ADAMTS19: variants seen among roughly 807,000 people sequenced by gnomAD.
The protein encoded by ADAMTS19 is ADAM metallopeptidase with thrombospondin type 1 motif 19.
A neutral mutation model predicts 153.3 loss-of-function variants in ADAMTS19; 93 were observed. That is an observed-to-expected ratio of 0.61 (90% CI 0.51 to 0.72). The LOEUF (loss-of-function observed/expected upper bound fraction) is 0.72. ADAMTS19 is among the 30% of genes least tolerant of loss of function. The pLI, the probability that ADAMTS19 is intolerant of heterozygous loss-of-function variation, is 0.00. For missense variants in ADAMTS19, 1,482 were observed against 1,552.1 expected (o/e 0.95, Z 0.76); for synonymous variants, 600 against 556.6 (o/e 1.08, Z -1.10).
chr5:129,466,768 A>T (rs1386575321), intron 2 of ADAMTS19, among the ~76,000 whole-genome samples: 1 of 152,216 alleles, frequency 6.6e-6, no homozygotes, highest in Non-Finnish European at 1.5e-5. Flanking sequence ...CCTATCAGTT[A>T]CACTTTGGAT....
intron 13 of ADAMTS19, among the ~76,000 whole-genome samples, chr5:129,651,082 A>T (rs1365275071): frequency 6.6e-6 from 1 of 152,126 alleles, no homozygotes; most frequent in Non-Finnish European, 1.5e-5. Flanking sequence ...CGGCTTTCCT[A>T]CTACATCTCT....
chr5:129,621,475 G>A (rs1042031798), intron 9 of ADAMTS19, among the ~76,000 whole-genome samples: 5 of 152,112 alleles, frequency 3.3e-5, no homozygotes, highest in Admixed American at 3.3e-4. Context: ...ATTCACTTTT[G>A]TATATCCTTT....
intron 6 of ADAMTS19, among the ~76,000 whole-genome samples, chr5:129,530,620 A>G (rs1752167101): frequency 6.6e-6 from 1 of 152,110 alleles, no homozygotes; most frequent in Admixed American, 6.6e-5. Context: ...ATCAACCAAA[A>G]ATACTTATTG....
chr5:129,660,300 C>T (rs1284869090), intron 15 of ADAMTS19, among the ~76,000 whole-genome samples: 1 of 152,058 alleles, frequency 6.6e-6, no homozygotes, highest in Non-Finnish European at 1.5e-5. Context: ...TAAATAAATA[C>T]TTAGCTGAAA....
At chr5:129,607,721 G>T (rs967168418) in intron 8 of ADAMTS19, among the ~76,000 whole-genome samples, 3 of 151,988 alleles carry the variant, frequency 2.0e-5, no homozygotes, top group Non-Finnish European at 2.9e-5. Flanking sequence ...CTAACTTAAA[G>T]TCTGGTTATA....
chr5:129,574,191 T>A (rs1486539094), intron 7 of ADAMTS19, among the ~76,000 whole-genome samples: 1 of 152,140 alleles, frequency 6.6e-6, no homozygotes, highest in Non-Finnish European at 1.5e-5. Context: ...GCTTGAAATA[T>A]GTGTCTAAAT....
chr5:129,503,449 T>G (rs1751167392), intron 2 of ADAMTS19, among the ~76,000 whole-genome samples: 1 of 152,218 alleles, frequency 6.6e-6, no homozygotes, highest in South Asian at 2.1e-4. Context: ...TATTATAATT[T>G]ATGCCAAGCC....
intron 14 of ADAMTS19, among the ~76,000 whole-genome samples, chr5:129,658,309 A>G (rs140472801): frequency 0.037 from 4,149 of 113,558 alleles, 195 homozygotes; most frequent in African/African-American, 0.051. Context: ...GAAAGAAAGA[A>G]AAAGAAAGAA....
At chr5:129,537,792 G>C (rs970317236) in intron 6 of ADAMTS19, among the ~76,000 whole-genome samples, 1 of 151,966 alleles carries the variant, frequency 6.6e-6, no homozygotes, top group African/African-American at 2.4e-5. Flanking sequence ...GGGGGAAGGG[G>C]GGAGGGATAG....
At chr5:129,676,022 G>A (rs189734652) in intron 16 of ADAMTS19, among the ~76,000 whole-genome samples, 1 of 152,176 alleles carries the variant, frequency 6.6e-6, no homozygotes, top group Admixed American at 6.5e-5. Context: ...GTGACAGAGT[G>A]AGACTCCATC....
intron 21 of ADAMTS19, among the ~76,000 whole-genome samples, chr5:129,719,539 G>A (rs1362783127): frequency 1.3e-5 from 2 of 152,260 alleles, no homozygotes; most frequent in African/African-American, 4.8e-5. Flanking sequence ...TATAAAACTA[G>A]ATGTGGAAGT....
intron 2 of ADAMTS19, among the ~76,000 whole-genome samples, chr5:129,479,705 A>C (rs141613701): frequency 6.6e-6 from 1 of 152,180 alleles, no homozygotes; most frequent in Non-Finnish European, 1.5e-5. Flanking sequence ...TTACAATACT[A>C]TAAAAACATG....
At chr5:129,606,673 A>G (rs1402402261) in intron 8 of ADAMTS19, among the ~76,000 whole-genome samples, 2 of 152,220 alleles carry the variant, frequency 1.3e-5, no homozygotes, top group African/African-American at 4.8e-5. Flanking sequence ...TGACTTCTAT[A>G]GAGTGACTCT....
At chr5:129,623,319 T>G (rs1210406108) in intron 10 of ADAMTS19, among the ~76,000 whole-genome samples, 1 of 152,154 alleles carries the variant, frequency 6.6e-6, no homozygotes, top group East Asian at 1.9e-4. Flanking sequence ...GTAACCTTTT[T>G]TTTTCTTTCC....
intron 2 of ADAMTS19, among the ~76,000 whole-genome samples, chr5:129,497,453 A>G (rs1014693904): frequency 6.6e-6 from 1 of 152,038 alleles, no homozygotes. Context: ...CTAGCATAAA[A>G]CTATCCACTA....
intron 1 of ADAMTS19, 187 bp downstream of exon 1, chr5:129,460,669 G>A (rs1276350392): frequency 6.2e-6 from 4 of 642,196 alleles, no homozygotes; most frequent in South Asian, 1.9e-5. Flanking sequence ...TGCCGGCCTC[G>A]TTTTAACCGT....
chr5:129,611,226 C>A (rs1751199146), intron 8 of ADAMTS19, among the ~76,000 whole-genome samples: 1 of 151,964 alleles, frequency 6.6e-6, no homozygotes, highest in South Asian at 2.1e-4. Flanking sequence ...AATTTTCTCC[C>A]ATTCTGTAGG....
At chr5:129,696,401 G>T (rs376911083) in intron 19 of ADAMTS19, among the ~76,000 whole-genome samples, 2 of 152,090 alleles carry the variant, frequency 1.3e-5, no homozygotes, top group Non-Finnish European at 2.9e-5. Context: ...AAAGAAGAGC[G>T]AAACTACATC....
chr5:129,715,602 C>G (rs1756688400), intron 21 of ADAMTS19, among the ~76,000 whole-genome samples: 1 of 152,086 alleles, frequency 6.6e-6, no homozygotes, highest in Non-Finnish European at 1.5e-5. Context: ...GGTTGATTAT[C>G]TGTAGTGGGA....
Sources: allele counts gnomAD v4.1 joint callset (sites outside exome capture counted in the v4.1 genomes callset), GRCh38; gene constraint gnomAD v4.1.1; transcripts MANE v1.5; gene names NCBI Gene and HGNC (gene_info 2026-07-23, HGNC 2026-07-21).